COL22A1: variants seen among roughly 807,000 people sequenced by gnomAD.
The protein encoded by COL22A1 is collagen alpha-1(XXII) chain.
COL22A1 carries 221 observed loss-of-function variants against 248.9 expected under a neutral mutation model. The observed-to-expected ratio is 0.89, with a 90% CI of 0.80 to 0.99. COL22A1 has a LOEUF of 0.99. Ranked by LOEUF, COL22A1 falls within the 50% of genes least tolerant of loss-of-function variation. The probability of loss-of-function intolerance (pLI) is 0.00; values close to 1 mark genes in which losing one functional copy is unlikely to be tolerated. For synonymous variants in COL22A1, 891 were observed against 793.4 expected (o/e 1.12, Z -2.07); for missense variants, 2,240 against 2,179.0 (o/e 1.03, Z -0.56).
intron 22 of COL22A1, among the ~76,000 whole-genome samples, chr8:138,745,501 T>A (rs1333252189): frequency 1.3e-5 from 2 of 152,236 alleles, no homozygotes; most frequent in Non-Finnish European, 2.9e-5. Context: ...ATAACTATGT[T>A]ATGTGTCCAT....
chr8:138,661,152 C>T (rs143253251), intron 43 of COL22A1, among the ~76,000 whole-genome samples: 69 of 152,002 alleles, frequency 4.5e-4, no homozygotes, highest in African/African-American at 1.7e-3. Context: ...CTTTCCCAAA[C>T]AAGTGGAAGG....
At chr8:138,904,746 G>A (rs1814889390) in intron 1 of COL22A1, among the ~76,000 whole-genome samples, 1 of 152,114 alleles carries the variant, frequency 6.6e-6, no homozygotes, top group Non-Finnish European at 1.5e-5. Flanking sequence ...CGTCTGGTCT[G>A]GTGAAGCAAT....
intron 55 of COL22A1, among the ~76,000 whole-genome samples, chr8:138,615,299 G>A (rs539445309): frequency 5.9e-5 from 9 of 152,302 alleles, no homozygotes; most frequent in Admixed American, 5.9e-4. Context: ...GGGAGACCGA[G>A]GCAGGTGGAT....
At chr8:138,861,771 A>G (rs980454628) in intron 3 of COL22A1, among the ~76,000 whole-genome samples, 17 of 152,254 alleles carry the variant, frequency 1.1e-4, no homozygotes, top group Non-Finnish European at 1.5e-5. Context: ...ACAGTAAAGC[A>G]GTACTCCTCT....
At chr8:138,751,613 G>T in intron 21 of COL22A1, 102 bp from the exon 22 acceptor site, 1 of 718,442 alleles carries the variant, frequency 1.4e-6, no homozygotes, top group Non-Finnish European at 2.3e-6. Context: ...ATTGAATAGT[G>T]TAATACCATC....
At chr8:138,654,669 T>C (rs777268361) in intron 45 of COL22A1, among the ~76,000 whole-genome samples, 6 of 152,110 alleles carry the variant, frequency 3.9e-5, no homozygotes, top group African/African-American at 1.2e-4. Flanking sequence ...CTTTCTGAAG[T>C]ATAGACCTTA....
At chr8:138,756,033 T>C (rs1708948695) in intron 18 of COL22A1, among the ~76,000 whole-genome samples, 1 of 152,210 alleles carries the variant, frequency 6.6e-6, no homozygotes, top group Admixed American at 6.5e-5. Flanking sequence ...CCTCAGATCA[T>C]AGGCTTCTTG....
intron 55 of COL22A1, among the ~76,000 whole-genome samples, chr8:138,614,650 T>C (rs1395304850): frequency 2.0e-5 from 3 of 151,702 alleles, no homozygotes; most frequent in Non-Finnish European, 2.9e-5. Context: ...TTCTACAAAC[T>C]GAAGTGCAGG....
chr8:138,613,499 A>T (rs1023255005), intron 56 of COL22A1, among the ~76,000 whole-genome samples: 1 of 152,212 alleles, frequency 6.6e-6, no homozygotes, highest in Admixed American at 6.5e-5. Context: ...CATTTCTGCC[A>T]CGTACCACAT....
chr8:138,853,490 A>G (rs1821787364), intron 3 of COL22A1, among the ~76,000 whole-genome samples: 1 of 152,230 alleles, frequency 6.6e-6, no homozygotes, highest in Non-Finnish European at 1.5e-5. Context: ...TTTTAAGAAG[A>G]GACTCCCTCT....
intron 60 of COL22A1, among the ~76,000 whole-genome samples, chr8:138,600,196 C>A (rs765674583): frequency 3.3e-5 from 5 of 152,190 alleles, no homozygotes; most frequent in Non-Finnish European, 5.9e-5. Flanking sequence ...GTGTGTTTGA[C>A]CAGCAAGTTC....
intron 22 of COL22A1, among the ~76,000 whole-genome samples, chr8:138,738,213 C>T (rs933135584): frequency 3.3e-5 from 5 of 152,144 alleles, no homozygotes; most frequent in Admixed American, 6.5e-5. Flanking sequence ...TTACTTAGGG[C>T]GTTTCTGCTC....
chr8:138,910,206 C>T (rs550498625), intron 1 of COL22A1, among the ~76,000 whole-genome samples: 14 of 152,226 alleles, frequency 9.2e-5, no homozygotes, highest in Admixed American at 8.5e-4. Context: ...ATTCAACAAA[C>T]CTCATGCTGG....
chr8:138,598,368 C>T (rs1817717390), intron 61 of COL22A1, among the ~76,000 whole-genome samples: 1 of 152,094 alleles, frequency 6.6e-6, no homozygotes, highest in African/African-American at 2.4e-5. Context: ...TTCTCAACTG[C>T]CTTTTGCACA....
chr8:138,702,101 A>G (rs1164223429), intron 31 of COL22A1, among the ~76,000 whole-genome samples: 1 of 152,204 alleles, frequency 6.6e-6, no homozygotes, highest in Non-Finnish European at 1.5e-5. Context: ...ATGCCTAGAC[A>G]TGGAATATCT....
intron 1 of COL22A1, 128 bp downstream of exon 1, chr8:138,913,491 G>A (rs991361432): frequency 3.9e-5 from 6 of 152,296 alleles, no homozygotes; most frequent in African/African-American, 1.4e-4. Context: ...GTCTGTATTT[G>A]GAGAGAACAT....
intron 1 of COL22A1, among the ~76,000 whole-genome samples, chr8:138,887,229 G>GTTT (rs1308143444): frequency 7.2e-6 from 1 of 139,854 alleles, no homozygotes. Flanking sequence ...GTCTCTCATT[G>GTTT]TTTTTTTTTT....
intron 32 of COL22A1, among the ~76,000 whole-genome samples, chr8:138,699,389 C>T (rs1246019658): frequency 6.6e-6 from 1 of 152,234 alleles, no homozygotes; most frequent in African/African-American, 2.4e-5. Context: ...GGACATCTAC[C>T]TCAGCCTCTC....
At chr8:138,679,726 A>C in intron 39 of COL22A1, 50 bp from the exon 40 acceptor site, 1 of 1,533,238 alleles carries the variant, frequency 6.5e-7, no homozygotes, top group Non-Finnish European at 9.0e-7. Flanking sequence ...AATGTTTACC[A>C]AGCACCTAAA....
Sources: allele counts gnomAD v4.1 joint callset (sites outside exome capture counted in the v4.1 genomes callset), GRCh38; gene constraint gnomAD v4.1.1; transcripts MANE v1.5; gene names NCBI Gene and HGNC (gene_info 2026-07-23, HGNC 2026-07-21).